GPR108: variants seen among roughly 807,000 people sequenced by gnomAD.
GPR108 encodes the protein protein GPR108.
In GPR108, 60 loss-of-function variants were observed where a neutral mutation model predicts 74.3. The ratio of observed to expected loss-of-function variants is 0.81; its 90% CI spans 0.66 to 1.00. The LOEUF (loss-of-function observed/expected upper bound fraction) is 1.00, where lower values mean the gene tolerates loss of function less well. GPR108 is among the 50% of genes least tolerant of loss of function. The pLI is 0.00. For synonymous variants in GPR108, 311 were observed against 292.4 expected (o/e 1.06, Z -0.65); for missense variants, 667 against 703.3 (o/e 0.95, Z 0.58).
At chr19:6,732,817 G>T (rs1374413228) in intron 10 of GPR108, 170 bp downstream of exon 10, 1 of 664,800 alleles carries the variant, frequency 1.5e-6, no homozygotes, top group Non-Finnish European at 2.6e-6. Flanking sequence ...CTGCCCCGCA[G>T]GACTGGTGGA....
In GPR108 at chr19:6,733,860, G is replaced by A. The variant is rs1389718262; in HGVS notation, c.603C>T (p.Asn201=). The change falls in exon 7 of 18, where the codon AAC becomes AAT. Residue 201 remains asparagine, a synonymous_variant. Coordinates refer to ENST00000264080, the MANE Select transcript of GPR108 (RefSeq NM_001080452.2). The part of the protein sequence containing the change: ...DLVLGLSHLN[N]SYNFSFHVVI... The stretch of plus-strand genomic sequence containing the variant: ...AAACACTCACACTGAAGTTGTAGGA[G>A]TTGTTGAGGTGGCTCAGGCCCAACA... The A allele has an allele frequency of 1.2e-6, 2 of 1,614,126 alleles. No individual in the cohort carries two copies. The highest frequency in any genetic ancestry group is 8.5e-7 in the Non-Finnish European group (1 of 1,179,950).
Position 6,735,954 on chromosome 19 carries a change from C to A in GPR108, c.245G>T (p.Gly82Val), listed in dbSNP as rs755715562. ...REAEEKSLLV[G>V]FSLSRVRSGR... is the part of the protein sequence containing the mutation. Reference sequence around the variant, plus strand: ...AGACCGAACCCGGCTGAGACTGAACCCCACCTGGTGGGTGGAAAAAAAAAG... The same window carrying A: ...AGACCGAACCCGGCTGAGACTGAACACCACCTGGTGGGTGGAAAAAAAAAG... The change falls in exon 3 of 18, where the codon GGG becomes GTG. Residue 82 changes from glycine to valine, a missense_variant. Coordinates refer to ENST00000264080, the MANE Select transcript of GPR108 (RefSeq NM_001080452.2). 1.2e-6 allele frequency: 2 copies of A among 1,608,908 alleles called. No individual in the cohort carries two copies. The highest frequency in any genetic ancestry group is 1.1e-5 in the South Asian group (1 of 90,258).
At chr19:6,730,539 C>G in intron 17 of GPR108, 155 bp from the exon 18 acceptor site, 1 of 658,928 alleles carries the variant, frequency 1.5e-6, no homozygotes, top group Non-Finnish European at 2.7e-6. Flanking sequence ...GCACCCACCT[C>G]GCTCCCACAG....
intron 4 of GPR108, chr19:6,735,327 G>A (rs115183105): frequency 0.034 from 10,490 of 306,146 alleles, 361 homozygotes; most frequent in African/African-American, 0.11. Context: ...GATAAGGAAT[G>A]GGTGAGTTAG....
intron 10 of GPR108, 132 bp from the exon 11 acceptor site, chr19:6,732,681 G>C: frequency 1.3e-6 from 1 of 752,834 alleles, no homozygotes; most frequent in Non-Finnish European, 2.3e-6. Context: ...GAGGACGGTG[G>C]GTGGGACTCA....
intron 15 of GPR108, 52 bp downstream of exon 15, chr19:6,731,421 G>A: frequency 6.6e-7 from 1 of 1,505,572 alleles, no homozygotes; most frequent in Non-Finnish European, 8.9e-7. Flanking sequence ...GGGTGGGCGT[G>A]CAGCAGGCCG....
At chr19:6,734,817 T>C (rs1479153405) in intron 4 of GPR108, among the ~76,000 whole-genome samples, 1 of 151,112 alleles carries the variant, frequency 6.6e-6, no homozygotes, top group Middle Eastern at 3.5e-3. Flanking sequence ...AGCACTGGAA[T>C]TAATGGCATG....
Position 6,730,369 on chromosome 19 carries a change from C to G in GPR108, c.1575G>C (p.Gly525=), listed in dbSNP as rs1599536569. 1 of 1,613,364 alleles carries G rather than the reference C, an allele frequency of 6.2e-7. No individual in the cohort carries two copies. The highest frequency in any genetic ancestry group is 8.5e-7 in the Non-Finnish European group (1 of 1,179,864). ...VQMEQVMTDS[G]FREGLSKVNK... Reference sequence around the variant, plus strand: ...TGACTTTGGAGAGGCCTTCCCGGAACCCAGAGTCCGTCATTCTGGGGGCAG... The same window carrying G: ...TGACTTTGGAGAGGCCTTCCCGGAAGCCAGAGTCCGTCATTCTGGGGGCAG... The change falls in exon 18 of 18, where the codon GGG becomes GGC. Residue 525 remains glycine, a synonymous_variant. Transcript: ENST00000264080.
intron 1 of GPR108, chr19:6,736,969 G>A (rs970073935): frequency 2.0e-6 from 1 of 499,570 alleles, no homozygotes; most frequent in Non-Finnish European, 3.6e-6. Context: ...GGTGAGCACC[G>A]CCCGGAGAAC....
At position 6,733,097 on chromosome 19, in the gene GPR108, G is replaced by C. The variant is rs61003494; in HGVS notation, c.858-35C>G. The stretch of plus-strand genomic sequence containing the variant: ...GGGTCAGGGAGAGATGGGGGTGCGG[G>C]GCATCAGCAGAGCATAGGGATGGGG... On this transcript the variant is annotated intron_variant, in intron 9 of 17. Coordinates refer to ENST00000264080, the MANE Select transcript of GPR108 (RefSeq NM_001080452.2). 3 of 1,613,294 alleles carry C rather than the reference G, an allele frequency of 1.9e-6. No individual in the cohort carries two copies. In the East Asian group the frequency reaches 6.7e-5, roughly 36 times the overall value.
chr19:6,735,641 T>G lies in GPR108; in HGVS notation c.355A>C (p.Ile119Leu). The G allele has an allele frequency of 6.2e-7, 1 of 1,614,006 alleles. No homozygotes were observed. The highest frequency in any genetic ancestry group is 8.5e-7 in the Non-Finnish European group (1 of 1,179,976). ...ACTCACTGCAGATCCTTGGTGTTGATGAGGAACAGGACCAGGAAACTGCTA... is the reference window on the plus strand; with the variant it reads ...ACTCACTGCAGATCCTTGGTGTTGAGGAGGAACAGGACCAGGAAACTGCTA... Reference protein sequence around the residue: ...NSSSFLVLFLINTKDLQVQVR... With the variant: ...NSSSFLVLFLLNTKDLQVQVR... The change falls in exon 4 of 18, where the codon ATC (isoleucine) becomes CTC (leucine). Residue 119 changes from isoleucine (I) to leucine (L), a missense_variant. Physicochemically the swap from Ile to Leu is conservative, Grantham distance 5. Transcript: ENST00000264080.
intron 1 of GPR108, 28 bp from the exon 2 acceptor site, chr19:6,736,739 G>C (rs1197250419): frequency 5.0e-6 from 8 of 1,613,658 alleles, no homozygotes; most frequent in Non-Finnish European, 6.8e-6. Context: ...GGCAGAGGCA[G>C]TTCAGACCTC....
intron 2 of GPR108, 111 bp downstream of exon 2, chr19:6,736,479 TCA>T (rs2145500030): frequency 9.1e-7 from 1 of 1,095,576 alleles, no homozygotes; most frequent in South Asian, 1.4e-5. Context: ...CGAAACAGGC[TCA>T]GAGAGATGAC....
rs149723103 is a variant in GPR108 at position 6,730,124 on chromosome 19, G to T, written c.*188C>A. Reference sequence around the variant, plus strand: ...GGGGTGGTCCCGGGGTAAGGACAGGGCTGCCCAATATTTGGGGGGAGGAAG... The same window carrying T: ...GGGGTGGTCCCGGGGTAAGGACAGGTCTGCCCAATATTTGGGGGGAGGAAG... On this transcript the variant is annotated 3_prime_UTR_variant, in exon 18 of 18. Transcript: ENST00000264080. 1.3e-3 allele frequency: 819 copies of T among 620,226 alleles called. 8 individuals carry two copies. Among genetic ancestry groups the T allele is most frequent in the African/African-American group, 0.013 (697 of 54,324 alleles). 38.4% of individuals were successfully genotyped at this position (620,226 alleles called of 1,614,324 possible).
At position 6,732,598 on chromosome 19, in the gene GPR108, G is replaced by A. The variant is rs1486844066; in HGVS notation, c.934-49C>T. On this transcript the variant is annotated intron_variant, in intron 10 of 17. Coordinates refer to ENST00000264080, the MANE Select transcript of GPR108 (RefSeq NM_001080452.2). ...CAGTGAGGCGCACAGAGGGGTGGGA[G>A]GCTGATGGTGGTGGTGGGGGATTAG... 3.5e-6 allele frequency: 5 copies of A among 1,417,880 alleles called. No individual in the cohort carries two copies. In the African/African-American group the frequency reaches 5.6e-5, roughly 16 times the overall value. The allele number at this position is 1,417,880 out of a possible 1,614,324, so 87.8% of individuals were successfully genotyped here.
Position 6,733,175 on chromosome 19 carries a change from T to G in GPR108, c.850A>C (p.Arg284=). 6.2e-7 allele frequency: 1 copy of G among 1,614,050 alleles called. No individual in the cohort carries two copies. The highest frequency in any genetic ancestry group is 8.5e-7 in the Non-Finnish European group (1 of 1,180,008). ...CAGGGGCAGGGGCATTACGTGTTCC[T>G]GCAGAGGATGGACACCCAGAAGATG... The part of the protein sequence containing the change: ...AGIFWVSILC[R]NTYSVFKIHW... The change falls in exon 9 of 18, where the codon AGG becomes CGG. Residue 284 remains arginine, a synonymous_variant. Transcript: ENST00000264080.
At chr19:6,730,485 A>AG in intron 17 of GPR108, 101 bp from the exon 18 acceptor site, 2 of 954,834 alleles carry the variant, frequency 2.1e-6, no homozygotes, top group Non-Finnish European at 3.3e-6. Flanking sequence ...CCCCAACCAC[A>AG]GCAGCCCTGG....
rs148633685 is a variant in GPR108 at position 6,733,560 on chromosome 19, C to T, written c.723+10G>A. ...CGCTCCCTGGCCCTGCTGCCCTCCA[C>T]TCCGCTCACCGTGATGTCGAATGGA... is the stretch of plus-strand genomic sequence containing the variant. On this transcript the variant is annotated intron_variant, in intron 8 of 17. Transcript: ENST00000264080. 6.0e-3 allele frequency: 9,718 copies of T among 1,612,612 alleles called. 45 individuals are homozygous for T. Among genetic ancestry groups the T allele is most frequent in the Non-Finnish European group, 7.2e-3 (8,432 of 1,178,600 alleles).
At chr19:6,736,144 G>C (rs1968624777) in intron 2 of GPR108, among the ~76,000 whole-genome samples, 186 bp from the exon 3 acceptor site, 1 of 152,152 alleles carries the variant, frequency 6.6e-6, no homozygotes, top group Admixed American at 6.5e-5. Context: ...TCTCAAGCTG[G>C]AATACAGTGG....
Sources: allele counts gnomAD v4.1 joint callset (sites outside exome capture counted in the v4.1 genomes callset), GRCh38; gene constraint gnomAD v4.1.1; transcripts MANE v1.5; gene names NCBI Gene and HGNC (gene_info 2026-07-23, HGNC 2026-07-21).